Variants in GALNT7 observed in about 807,000 individuals in gnomAD.
GALNT7 encodes polypeptide N-acetylgalactosaminyltransferase 7.
In GALNT7, 60 loss-of-function variants were observed where a neutral mutation model predicts 82.1. That is an observed-to-expected ratio of 0.73 (90% CI 0.59 to 0.91). The LOEUF is 0.91. Ranked by LOEUF, GALNT7 falls within the 40% of genes least tolerant of loss-of-function variation. The pLI is 0.00. For synonymous variants in GALNT7, 243 were observed against 275.1 expected (o/e 0.88, Z 1.15); for missense variants, 660 against 804.2 (o/e 0.82, Z 2.17).
At position 173,239,060 on chromosome 4, in the gene GALNT7, T is replaced by A. The variant is rs191462209; in HGVS notation, c.127-8920T>A. On this transcript the variant is annotated intron_variant, in intron 1 of 11. Transcript: ENST00000265000. Reference sequence around the variant, plus strand: ...ATTTAGCAGGGAACTGTTTGCAAGATAAATTGGCCAAGAGAACTAAGACTA... The same window carrying A: ...ATTTAGCAGGGAACTGTTTGCAAGAAAAATTGGCCAAGAGAACTAAGACTA... Among the ~76,000 whole-genome samples the A allele has an allele frequency of 2.7e-3, 416 of 152,334 alleles. 9 individuals are homozygous for A. Among genetic ancestry groups the A allele is most frequent in the Non-Finnish European group, 2.1e-4 (14 of 68,022 alleles).
Position 173,291,182 on chromosome 4 carries a change from C to T in GALNT7, c.588-926C>T, listed in dbSNP as rs565717319. ...TCTCACCCAGTTCTGCTGTTTTAAG[C>T]CCAGTAGTTAGGGTCAGAAGAAGAA... On this transcript the variant is annotated intron_variant, in intron 2 of 11. Transcript: ENST00000265000. Among the ~76,000 whole-genome samples the T allele has an allele frequency of 1.5e-4, 23 of 152,270 alleles. No homozygotes were observed. In the South Asian group the frequency reaches 4.1e-3, roughly 27 times the overall value.
At chr4:173,174,157 T>TC (rs1204167031) in intron 1 of GALNT7, among the ~76,000 whole-genome samples, 1 of 151,918 alleles carries the variant, frequency 6.6e-6, no homozygotes, top group South Asian at 2.1e-4. Context: ...ATCCCCCTTC[T>TC]CCCCCCACAC....
chr4:173,198,853 T>C (rs1732860481), intron 1 of GALNT7, among the ~76,000 whole-genome samples: 1 of 151,942 alleles, frequency 6.6e-6, no homozygotes, highest in Admixed American at 6.6e-5. Context: ...AATAAATCAG[T>C]GTGGGTATTC....
At chr4:173,182,052 A>G (rs1732265665) in intron 1 of GALNT7, among the ~76,000 whole-genome samples, 1 of 152,242 alleles carries the variant, frequency 6.6e-6, no homozygotes, top group Non-Finnish European at 1.5e-5. Flanking sequence ...TGGTAACAGT[A>G]AGATAAAAGT....
chr4:173,315,628 C>T (rs1394230542), intron 9 of GALNT7, among the ~76,000 whole-genome samples: 2 of 152,266 alleles, frequency 1.3e-5, no homozygotes, highest in African/African-American at 4.8e-5. Flanking sequence ...ATGCTGCTCT[C>T]TCTGTACTTC....
At chr4:173,278,155 T>C (rs1470755815) in intron 2 of GALNT7, among the ~76,000 whole-genome samples, 1 of 152,216 alleles carries the variant, frequency 6.6e-6, no homozygotes, top group Admixed American at 6.5e-5. Context: ...GGTACCAGCA[T>C]GGGGCTATGA....
chr4:173,250,440 C>T (rs1186380363), intron 2 of GALNT7, among the ~76,000 whole-genome samples: 1 of 152,042 alleles, frequency 6.6e-6, no homozygotes, highest in African/African-American at 2.4e-5. Flanking sequence ...CTGTGCCTTC[C>T]TCCCCTTCAC....
chr4:173,189,754 A>C (rs772381213), intron 1 of GALNT7, among the ~76,000 whole-genome samples: 69 of 152,208 alleles, frequency 4.5e-4, no homozygotes, highest in Non-Finnish European at 7.9e-4. Context: ...TCTATCTTCA[A>C]CATTTTTACT....
intron 1 of GALNT7, among the ~76,000 whole-genome samples, chr4:173,180,312 T>G (rs2126626946): frequency 6.8e-6 from 1 of 147,992 alleles, no homozygotes; most frequent in African/African-American, 2.5e-5. Flanking sequence ...ATATATTTCA[T>G]CATATTGGAG....
chr4:173,295,312 C>A, intron 3 of GALNT7, 84 bp from the exon 4 acceptor site: 1 of 922,012 alleles, frequency 1.1e-6, no homozygotes. Context: ...CCCAATGCAC[C>A]TGTATTCTTG....
chr4:173,200,064 C>G (rs1444523269), intron 1 of GALNT7, among the ~76,000 whole-genome samples: 1 of 152,154 alleles, frequency 6.6e-6, no homozygotes, highest in East Asian at 1.9e-4. Context: ...CTGAAGAACC[C>G]ATTCCCTAAC....
chr4:173,263,608 A>G (rs772216578), intron 2 of GALNT7, among the ~76,000 whole-genome samples: 8 of 152,306 alleles, frequency 5.3e-5, no homozygotes, highest in African/African-American at 1.2e-4. Context: ...ATGGTTTTAA[A>G]TGGTATAGGG....
chr4:173,278,300 G>A (rs879104055), intron 2 of GALNT7, among the ~76,000 whole-genome samples: 3 of 152,190 alleles, frequency 2.0e-5, no homozygotes, highest in Non-Finnish European at 4.4e-5. Flanking sequence ...TCAGATCCCC[G>A]TGGAGAAGAG....
chr4:173,231,541 C>G (rs28469323), intron 1 of GALNT7, among the ~76,000 whole-genome samples: 2,065 of 152,268 alleles, frequency 0.014, 47 homozygotes, highest in African/African-American at 0.047. Flanking sequence ...GATCTCCTCT[C>G]TAATCTTTGG....
chr4:173,210,290 G>A (rs1382284113), intron 1 of GALNT7, among the ~76,000 whole-genome samples: 2 of 152,282 alleles, frequency 1.3e-5, no homozygotes, highest in African/African-American at 2.4e-5. Context: ...TGTGGGCACA[G>A]AGCCTGTGTT....
chr4:173,205,097 C>G (rs10022621), intron 1 of GALNT7, among the ~76,000 whole-genome samples: 2,064 of 152,258 alleles, frequency 0.014, 49 homozygotes, highest in African/African-American at 0.047. Context: ...GTACCTGGGT[C>G]TCTGGGTCTG....
chr4:173,173,788 G>A (rs1468902725), intron 1 of GALNT7, among the ~76,000 whole-genome samples: 1 of 152,196 alleles, frequency 6.6e-6, no homozygotes, highest in East Asian at 1.9e-4. Flanking sequence ...CTTAGGTTCA[G>A]GGTGTATATA....
intron 2 of GALNT7, among the ~76,000 whole-genome samples, chr4:173,275,694 A>G (rs531786839): frequency 2.0e-5 from 3 of 152,238 alleles, no homozygotes; most frequent in Admixed American, 2.0e-4. Flanking sequence ...TTTCCTCCAA[A>G]CCCATTGATT....
At chr4:173,234,657 G>A (rs1004958388) in intron 1 of GALNT7, among the ~76,000 whole-genome samples, 4 of 152,140 alleles carry the variant, frequency 2.6e-5, no homozygotes, top group African/African-American at 9.7e-5. Flanking sequence ...ACCTCATGTT[G>A]TAATTTGAGT....
Sources: allele counts gnomAD v4.1 joint callset (sites outside exome capture counted in the v4.1 genomes callset), GRCh38; gene constraint gnomAD v4.1.1; transcripts MANE v1.5; gene names NCBI Gene and HGNC (gene_info 2026-07-23, HGNC 2026-07-21).